SYN2: variants seen among roughly 807,000 people sequenced by gnomAD.
SYN2 encodes synapsin II.
A neutral mutation model predicts 50.9 loss-of-function variants in SYN2; 19 were observed. The ratio of observed to expected loss-of-function variants is 0.37; its 90% CI spans 0.26 to 0.55. The LOEUF is 0.55. Among genes scored for constraint, SYN2 ranks in the 20% least tolerant of loss-of-function variants. The probability of loss-of-function intolerance (pLI) is 0.81; values close to 1 mark genes in which losing one functional copy is unlikely to be tolerated. For synonymous variants in SYN2, 255 were observed against 224.9 expected (o/e 1.13, Z -1.20); for missense variants, 587 against 576.4 (o/e 1.02, Z -0.19).
chr3:12,095,284 C>G (rs1176037521), intron 1 of SYN2, among the ~76,000 whole-genome samples: 2 of 150,988 alleles, frequency 1.3e-5, no homozygotes, highest in African/African-American at 4.9e-5. Context: ...GTGACTAAAG[C>G]CCGTAATCCT....
chr3:12,036,307 G>C (rs558662359), intron 1 of SYN2, among the ~76,000 whole-genome samples: 2 of 152,250 alleles, frequency 1.3e-5, no homozygotes, highest in African/African-American at 4.8e-5. Flanking sequence ...CTGTTCCTGT[G>C]ACAAGTCTCT....
At chr3:12,137,137 A>G (rs1696913098) in intron 1 of SYN2, among the ~76,000 whole-genome samples, 1 of 151,510 alleles carries the variant, frequency 6.6e-6, no homozygotes, top group African/African-American at 2.4e-5. Flanking sequence ...AGTTCCAGTT[A>G]CTCTGGAGGC....
intron 1 of SYN2, among the ~76,000 whole-genome samples, chr3:12,074,040 T>A (rs1197836617): frequency 2.0e-5 from 3 of 152,192 alleles, no homozygotes; most frequent in Non-Finnish European, 4.4e-5. Flanking sequence ...GCCATACATG[T>A]TCCAGAGTAG....
intron 1 of SYN2, among the ~76,000 whole-genome samples, chr3:12,013,953 C>T (rs1405823141): frequency 6.6e-6 from 1 of 152,126 alleles, no homozygotes; most frequent in Non-Finnish European, 1.5e-5. Flanking sequence ...CTACAGTTTC[C>T]CTTCCTCCCC....
At chr3:12,185,960 C>T (rs1698335211) in intron 11 of SYN2, among the ~76,000 whole-genome samples, 1 of 152,182 alleles carries the variant, frequency 6.6e-6, no homozygotes, top group African/African-American at 2.4e-5. Context: ...CTTAAACCTG[C>T]AGAATTCCAT....
At position 12,159,008 on chromosome 3, in the gene SYN2, G is replaced by A. The variant is rs147278010; in HGVS notation, c.775-2538G>A. ...CTTCCTTTGGCTCTAGGCCACCCGC[G>A]GAGGCAGGACCCGAGGCTCTTCCGA... On this transcript the variant is annotated intron_variant, in intron 5 of 12. Coordinates refer to ENST00000621198, the MANE Select transcript of SYN2 (RefSeq NM_133625.6). 1.8e-3 allele frequency: 1,736 copies of A among 984,070 alleles called. 18 individuals are homozygous for A. In the African/African-American group the frequency reaches 0.023, roughly 13 times the overall value. 61.0% of individuals were successfully genotyped at this position (984,070 alleles called of 1,614,324 possible). A position where few individuals can be genotyped will look rare whatever the true frequency, so the allele number is the denominator to read the frequency against.
chr3:12,184,689 G>C (rs908787335), intron 11 of SYN2: 1 of 985,788 alleles, frequency 1.0e-6, no homozygotes, highest in Admixed American at 6.1e-5. Flanking sequence ...GGTGGCTCTT[G>C]AGGAATCCTC....
intron 11 of SYN2, chr3:12,183,956 C>A: frequency 1.0e-6 from 1 of 988,028 alleles, no homozygotes; most frequent in Non-Finnish European, 1.2e-6. Context: ...ACTATTGTAA[C>A]TAGATAGAAC....
chr3:12,121,625 GGAAA>G (rs1449348008), intron 1 of SYN2, among the ~76,000 whole-genome samples: 1 of 148,130 alleles, frequency 6.8e-6, no homozygotes, highest in Non-Finnish European at 1.5e-5. Context: ...GAGGAAAGGA[GGAAA>G]GAAAGAAAGG....
chr3:12,097,071 G>A (rs1695950014), intron 1 of SYN2, among the ~76,000 whole-genome samples: 1 of 152,134 alleles, frequency 6.6e-6, no homozygotes, highest in Admixed American at 6.5e-5. Context: ...ACTGTTGGTG[G>A]GACTGTAAAC....
intron 8 of SYN2, 118 bp from the exon 9 acceptor site, chr3:12,168,258 G>A (rs1163974353): frequency 4.0e-6 from 3 of 745,094 alleles, no homozygotes; most frequent in Non-Finnish European, 7.1e-6. Context: ...GGTAGATGGA[G>A]GGAGCAGTGG....
At chr3:12,126,161 C>T (rs1399326088) in intron 1 of SYN2, among the ~76,000 whole-genome samples, 2 of 152,190 alleles carry the variant, frequency 1.3e-5, no homozygotes, top group Non-Finnish European at 2.9e-5. Context: ...GTAGAAATCT[C>T]GCTTCTAGAG....
intron 1 of SYN2, among the ~76,000 whole-genome samples, chr3:12,097,643 T>G (rs407610): frequency 0.93 from 140,695 of 151,052 alleles, 65,591 homozygotes; most frequent in East Asian, 1. Flanking sequence ...AGAAAATGTG[T>G]CACATATACA....
intron 1 of SYN2, among the ~76,000 whole-genome samples, chr3:12,131,418 C>T (rs559774608): frequency 6.6e-6 from 1 of 152,300 alleles, no homozygotes; most frequent in Non-Finnish European, 1.5e-5. Flanking sequence ...CCTTACATAT[C>T]TGGCATAAAA....
chr3:12,108,871 A>G (rs1696258589), intron 1 of SYN2, among the ~76,000 whole-genome samples: 1 of 146,274 alleles, frequency 6.8e-6, no homozygotes, highest in South Asian at 2.1e-4. Context: ...GTTTTTCTTG[A>G]CCATCATCTG....
intron 1 of SYN2, among the ~76,000 whole-genome samples, chr3:12,110,709 G>A (rs1696293154): frequency 6.6e-6 from 1 of 152,108 alleles, no homozygotes; most frequent in African/African-American, 2.4e-5. Flanking sequence ...TTTCCTCCTA[G>A]GCCTCTGGGC....
intron 1 of SYN2, among the ~76,000 whole-genome samples, chr3:12,116,557 C>G (rs904148034): frequency 3.9e-5 from 6 of 152,056 alleles, no homozygotes; most frequent in African/African-American, 1.4e-4. Flanking sequence ...TCTCACAACC[C>G]TTTTCTAGTC....
intron 7 of SYN2, among the ~76,000 whole-genome samples, chr3:12,164,804 A>G (rs1697740665): frequency 6.6e-6 from 1 of 152,182 alleles, no homozygotes; most frequent in Non-Finnish European, 1.5e-5. Context: ...TTAAAGTGCC[A>G]TGAAAATGTA....
intron 1 of SYN2, among the ~76,000 whole-genome samples, chr3:12,102,856 C>T (rs1270857445): frequency 6.6e-6 from 1 of 152,090 alleles, no homozygotes; most frequent in Non-Finnish European, 1.5e-5. Context: ...ACAGCCTATT[C>T]TGATTGATAC....
Sources: allele counts gnomAD v4.1 joint callset (sites outside exome capture counted in the v4.1 genomes callset), GRCh38; gene constraint gnomAD v4.1.1; transcripts MANE v1.5; gene names NCBI Gene and HGNC (gene_info 2026-07-23, HGNC 2026-07-21).